The following COL2A1 variants were observed in gnomAD, a reference collection of about 807,000 sequenced individuals.
COL2A1 encodes the protein collagen type II alpha 1 chain, also known as collagen alpha-1(II) chain.
In COL2A1, 28 loss-of-function variants were observed where a neutral mutation model predicts 204.5. The observed-to-expected ratio is 0.14, with a 90% CI of 0.10 to 0.19. The LOEUF (loss-of-function observed/expected upper bound fraction) is 0.19. COL2A1 is among the 10% of genes least tolerant of loss of function. The probability of loss-of-function intolerance (pLI) is 1.00; values close to 1 mark genes in which losing one functional copy is unlikely to be tolerated. For synonymous variants in COL2A1, 708 were observed against 718.7 expected, an observed-to-expected ratio of 0.99 and a Z score of 0.24; for missense variants, 1,388 against 2,027.5, an observed-to-expected ratio of 0.68 and a Z score of 6.06.
intron 26 of COL2A1, 143 bp downstream of exon 26, chr12:47,985,391 A>T: frequency 1.1e-6 from 1 of 888,048 alleles, no homozygotes; most frequent in Non-Finnish European, 1.8e-6. Context: ...ATCTGGCCCC[A>T]GTGCCTACCA....
At chr12:47,983,548 C>G in intron 30 of COL2A1, 110 bp from the exon 31 acceptor site, 1 of 1,444,854 alleles carries the variant, frequency 6.9e-7, no homozygotes, top group Middle Eastern at 1.8e-4. Flanking sequence ...GCAGTGACAG[C>G]CAGGGGTGCA....
In COL2A1 at chr12:47,989,796, C is replaced by T. The variant is rs758295439; in HGVS notation, c.1033G>A (p.Gly345Ser). Residue 345 changes from glycine to serine, a missense_variant, in exon 17 of 54, where the codon GGC becomes AGC. By Grantham distance (56) the Gly-to-Ser change is moderately conservative. Transcript: ENST00000380518. ...TGPAGAAGAR[G>S]NDGQPGPAGP... ...GCGGGGCCTGGCTGACCATCGTTGC[C>T]TCGGGCACCCTGTGAGCAAGAAGGA... 1 of 1,613,368 alleles carries T rather than the reference C, an allele frequency of 6.2e-7. No homozygotes were observed. The highest frequency in any genetic ancestry group is 1.1e-5 in the South Asian group (1 of 91,072).
Position 47,999,634 on chromosome 12 carries a change from A to ATTTTTTTT in COL2A1, c.292+277_292+284dup, listed in dbSNP as rs10708850. ...ATTTGCAGAGATGATTTCAGAGAGG[A>ATTTTTTTT]TTTTTTTTTTTTTTTTTTTGTAGAA... On this transcript the variant is annotated intron_variant, in intron 2 of 53. Transcript: ENST00000380518. The ATTTTTTTT allele has an allele frequency of 8.5e-3, 1,335 of 156,188 alleles. 100 individuals are homozygous for ATTTTTTTT. The highest frequency in any genetic ancestry group is 0.016 in the African/African-American group (457 of 28,878). The allele number at this position is 156,188 out of a possible 1,614,324, so 9.7% of individuals were successfully genotyped here. A position where few individuals can be genotyped will look rare whatever the true frequency, so the allele number is the denominator to read the frequency against.
rs762913737 is a variant in COL2A1, at chr12:47,984,614, G to C, written c.1834-15C>G. 1.2e-6 allele frequency: 2 copies of C among 1,613,932 alleles called. No individual in the cohort carries two copies. The highest frequency in any genetic ancestry group is 2.2e-5 in the South Asian group (2 of 91,064). ...CCAGGCTCACCCTGAAGGAAAGAGA[G>C]GGCAGGGCCATGAGGCGGATGGTTT... On this transcript the variant is annotated splice_polypyrimidine_tract_variant and intron_variant, in intron 27 of 53. Transcript: ENST00000380518.
rs1258524763 is a variant in COL2A1, at chr12:47,980,805, A to C, written c.2517+110T>G. The C allele has an allele frequency of 8.5e-6, 12 of 1,414,036 alleles. No individual in the cohort carries two copies. The African/African-American group carries it at 8.5e-5, about 10-fold the overall frequency. The allele number at this position is 1,414,036 out of a possible 1,614,324, so 87.6% of individuals were successfully genotyped here. A position where few individuals can be genotyped will look rare whatever the true frequency, so the allele number is the denominator to read the frequency against. On this transcript the variant is annotated intron_variant, in intron 38 of 53. Transcript: ENST00000380518. The surrounding 1 kb of genome is among the most constrained non-coding windows in gnomAD (Gnocchi z 4.5). ...TCTATTAGTATGGAGGCGGGAAAGG[A>C]GAGGAGAGGAGCATCCATTTCCCTC...
At chr12:47,991,903 A>AG (rs3837526) in intron 16 of COL2A1, among the ~76,000 whole-genome samples, 2,288 of 152,250 alleles carry the variant, frequency 0.015, 58 homozygotes, top group South Asian at 0.11. Context: ...TGGCTGACAA[A>AG]GGGGGGTCGA....
chr12:47,987,015 A>G lies in COL2A1; in HGVS notation c.1365+63T>C. On this transcript the variant is annotated intron_variant, in intron 21 of 53. Coordinates refer to ENST00000380518, the MANE Select transcript of COL2A1 (RefSeq NM_001844.5). This position sits in a 1 kb window ranked among gnomAD's most constrained non-coding sequence, Gnocchi z 4.1. ...GCCAGGGCAGGAGAGCATGGGAAAG[A>G]GGGGTGATGGGGTTTGACTCCAGAG... 6.3e-7 allele frequency: 1 copy of G among 1,583,732 alleles called. No homozygotes were observed. The highest frequency in any genetic ancestry group is 8.7e-7 in the Non-Finnish European group (1 of 1,152,380).
Position 47,982,592 on chromosome 12 carries a change from T to C in COL2A1, c.2211A>G (p.Ala737=). Residue 737 remains alanine (A), a synonymous_variant, in exon 34 of 54, where the codon GCA becomes GCG. Coordinates refer to ENST00000380518, the MANE Select transcript of COL2A1 (RefSeq NM_001844.5). ...TDGPKGASGP[A]GPPGAQGPPG... is the part of the protein sequence containing the mutation. Reference sequence around the variant, plus strand: ...GAGGGCCCTGAGCCCCAGGGGGGCCTGCTGGGCCAGATGCACCCTGGGGAG... The same window carrying C: ...GAGGGCCCTGAGCCCCAGGGGGGCCCGCTGGGCCAGATGCACCCTGGGGAG... 6.2e-7 allele frequency: 1 copy of C among 1,612,896 alleles called. No individual in the cohort carries two copies. Among genetic ancestry groups the C allele is most frequent in the South Asian group, 1.1e-5 (1 of 91,034 alleles).
chr12:48,004,120 C>CCCCGGGAGCCGTTTTAG (rs1415870083), intron 1 of COL2A1, 117 bp downstream of exon 1: 2 of 765,002 alleles, frequency 2.6e-6, no homozygotes, highest in Admixed American at 2.1e-5. Context: ...CGCGCTACGA[C>CCCCGGGAGCCGTTTTAG]CCCGGGAGCC....
chr12:47,974,840 G>A lies in COL2A1; in HGVS notation c.3909C>T (p.Asn1303=), dbSNP rs766909391. The change falls in exon 52 of 54, where the codon AAC becomes AAT. Residue 1303 remains asparagine, a synonymous_variant. Coordinates refer to ENST00000380518, the MANE Select transcript of COL2A1 (RefSeq NM_001844.5). ...WKSGDYWIDP[N]QGCTLDAMKV... is the part of the protein sequence containing the mutation. ...TCATGGCGTCCAAGGTGCAGCCTTG[G>A]TTGGGGTCAATCCAGTAGTCTCCTG... is the stretch of plus-strand genomic sequence containing the variant. 2 of 1,614,126 alleles carry A rather than the reference G, an allele frequency of 1.2e-6. No homozygotes were observed. Among genetic ancestry groups the A allele is most frequent in the Non-Finnish European group, 1.7e-6 (2 of 1,179,992 alleles).
Position 47,973,496 on chromosome 12 carries a change from G to A in COL2A1, c.4375C>T (p.Arg1459Cys), listed in dbSNP as rs148838496. ...VIEYRSQKTS[R>C]LPIIDIAPMD... ...GGTGCAATGTCAATGATGGGGAGGCGTGAGGTCTTCTGTGACCGGTACTCG... is the reference window on the plus strand; with the variant it reads ...GGTGCAATGTCAATGATGGGGAGGCATGAGGTCTTCTGTGACCGGTACTCG... Residue 1459 changes from arginine (R) to cysteine (C), a missense_variant, in exon 54 of 54, where the codon CGC becomes TGC. This residue lies in a region of COL2A1 where 303 missense variants were observed against 369.2 expected (regional missense o/e 0.82). Transcript: ENST00000380518. 2.6e-5 allele frequency: 42 copies of A among 1,614,014 alleles called. No individual in the cohort carries two copies. Among genetic ancestry groups the A allele is most frequent in the African/African-American group, 1.2e-4 (9 of 74,898 alleles).
chr12:47,996,496 T>G (rs906831245), intron 8 of COL2A1, 52 bp downstream of exon 8: 1 of 1,471,888 alleles, frequency 6.8e-7, no homozygotes, highest in Non-Finnish European at 9.5e-7. Flanking sequence ...CTGGCTCTGC[T>G]AAGGGCCACC....
intron 8 of COL2A1, among the ~76,000 whole-genome samples, chr12:47,996,202 G>A (rs570446858): frequency 9.2e-5 from 14 of 152,294 alleles, no homozygotes; most frequent in East Asian, 5.8e-4. Flanking sequence ...TCAGAGCTGC[G>A]GGCTGAGATT....
chr12:47,979,108 C>G (rs1232994337), intron 41 of COL2A1, among the ~76,000 whole-genome samples: 2 of 152,050 alleles, frequency 1.3e-5, no homozygotes. Context: ...AGCACTCTCT[C>G]CCTCTGCCTA....
chr12:47,979,887 C>A, intron 40 of COL2A1, 122 bp downstream of exon 40: 1 of 923,670 alleles, frequency 1.1e-6, no homozygotes, highest in Non-Finnish European at 1.6e-6. Flanking sequence ...TGGGCTTAGG[C>A]TGGGGACCAA....
chr12:47,997,746 G>A (rs1349170316), intron 6 of COL2A1, 39 bp from the exon 7 acceptor site: 2 of 1,613,938 alleles, frequency 1.2e-6, no homozygotes, highest in Admixed American at 3.3e-5. Flanking sequence ...GGGAAGCAGT[G>A]TTTCTCCAAG....
At position 47,976,669 on chromosome 12, in the gene COL2A1, TC is replaced by T; in HGVS notation, c.3436-103del. On this transcript the variant is annotated intron_variant, in intron 48 of 53. Transcript: ENST00000380518. This position sits in a 1 kb window ranked among gnomAD's most constrained non-coding sequence, Gnocchi z 4.3. ...CTTTATGTCCCAGCCCCATTCCCTTTCCACTTCCTCCTCCCTCCAGCCCTGA... is the reference window on the plus strand; with the variant it reads ...CTTTATGTCCCAGCCCCATTCCCTTTCACTTCCTCCTCCCTCCAGCCCTGA... 1 of 1,388,346 alleles carries T rather than the reference TC, an allele frequency of 7.2e-7. No individual in the cohort carries two copies. The highest frequency in any genetic ancestry group is 1.0e-6 in the Non-Finnish European group (1 of 985,376). 86.0% of individuals were successfully genotyped at this position (1,388,346 alleles called of 1,614,324 possible). A position where few individuals can be genotyped will look rare whatever the true frequency, so the allele number is the denominator to read the frequency against.
In COL2A1 at chr12:47,978,185, T is replaced by C; in HGVS notation, c.3004-68A>G. 1 of 1,577,750 alleles carries C rather than the reference T, an allele frequency of 6.3e-7. No homozygotes were observed. Among genetic ancestry groups the C allele is most frequent in the Admixed American group, 1.7e-5 (1 of 57,380 alleles). ...ACCCCTGCCCAGGGCCCACTGACCC[T>C]TCAGGGAGAGGGCAGACAAGGGACA... On this transcript the variant is annotated intron_variant, in intron 43 of 53. Transcript: ENST00000380518. The surrounding 1 kb of genome is among the most constrained non-coding windows in gnomAD (Gnocchi z 5.5).
intron 16 of COL2A1, among the ~76,000 whole-genome samples, chr12:47,990,069 C>A (rs558418931): frequency 6.6e-6 from 1 of 152,116 alleles, no homozygotes; most frequent in South Asian, 2.1e-4. Flanking sequence ...TGCAGTGGTG[C>A]GGTCTTGGCT....
Sources: allele counts gnomAD v4.1 joint callset (sites outside exome capture counted in the v4.1 genomes callset), GRCh38; gene constraint gnomAD v4.1.1; regional missense constraint gnomAD v4.1.1; non-coding constraint Gnocchi (gnomAD v3.1); transcripts MANE v1.5; gene names NCBI Gene and HGNC (gene_info 2026-07-23, HGNC 2026-07-21).